COL28A1: variants seen among roughly 807,000 people sequenced by gnomAD.
COL28A1 encodes collagen type XXVIII alpha 1 chain, also known as collagen alpha-1(XXVIII) chain.
In COL28A1, 161 loss-of-function variants were observed where a neutral mutation model predicts 150.2. The observed-to-expected ratio is 1.07, with a 90% CI of 0.94 to 1.22. The LOEUF (loss-of-function observed/expected upper bound fraction) is 1.22. COL28A1 is among the 50% of genes most tolerant of loss of function. The pLI is 0.00. For missense variants in COL28A1, 1,617 were observed against 1,388.3 expected, an observed-to-expected ratio of 1.16 and a Z score of -2.62; for synonymous variants, 552 against 469.7, an observed-to-expected ratio of 1.18 and a Z score of -2.26.
rs147600408 is a variant in COL28A1, at chr7:7,526,113, T to C, written c.682-1864A>G. Among the ~76,000 whole-genome samples, 683 of 152,378 alleles carry C rather than the reference T, an allele frequency of 4.5e-3. 11 individuals carry two copies. Among genetic ancestry groups the C allele is most frequent in the African/African-American group, 0.016 (655 of 41,594 alleles). ...TATTACCCTCTGTAGAACATTTGGT[T>C]ATGCCTACAAGGCTGAAGATGGACC... On this transcript the variant is annotated intron_variant, in intron 3 of 34. Transcript: ENST00000399429.
intron 2 of COL28A1, 68 bp from the exon 3 acceptor site, chr7:7,531,972 G>A: frequency 2.2e-6 from 2 of 907,404 alleles, no homozygotes; most frequent in South Asian, 3.2e-5. Flanking sequence ...CATACGGAAA[G>A]CCCTGAAGTG....
chr7:7,471,125 T>TAAAAAAAAAAAAAAAAA (rs746981344), intron 15 of COL28A1, among the ~76,000 whole-genome samples: 45 of 88,410 alleles, frequency 5.1e-4, no homozygotes, highest in Non-Finnish European at 6.3e-4. Context: ...AAAAAATAAT[T>TAAAAAAAAAAAAAAAAA]AAAAAAAAAA....
intron 25 of COL28A1, among the ~76,000 whole-genome samples, chr7:7,421,890 C>G (rs1260622051): frequency 1.3e-5 from 2 of 152,142 alleles, no homozygotes; most frequent in Non-Finnish European, 2.9e-5. Context: ...TCTTTAACAC[C>G]TCTCTCCTAC....
At chr7:7,476,850 C>T (rs1562777811) in intron 14 of COL28A1, among the ~76,000 whole-genome samples, 2 of 152,164 alleles carry the variant, frequency 1.3e-5, no homozygotes, top group African/African-American at 4.8e-5. Flanking sequence ...CTTTAAATGA[C>T]TACAAACTAC....
intron 25 of COL28A1, among the ~76,000 whole-genome samples, chr7:7,424,069 G>C (rs1784521891): frequency 6.6e-6 from 1 of 150,500 alleles, no homozygotes; most frequent in African/African-American, 2.5e-5. Flanking sequence ...ATAATCTTTT[G>C]TATCTTTCAA....
intron 2 of COL28A1, among the ~76,000 whole-genome samples, chr7:7,532,418 G>C (rs764512975): frequency 6.6e-6 from 1 of 152,150 alleles, no homozygotes; most frequent in Non-Finnish European, 1.5e-5. Flanking sequence ...CTGTGTCTCA[G>C]TGGTTAATTT....
chr7:7,374,962 T>C (rs1226621637), intron 31 of COL28A1, among the ~76,000 whole-genome samples: 1 of 152,192 alleles, frequency 6.6e-6, no homozygotes, highest in Non-Finnish European at 1.5e-5. Flanking sequence ...CATGGAAGCA[T>C]TTAGTAGTTG....
the COL28A1 span, among the ~76,000 whole-genome samples, chr7:7,543,755 T>A: frequency 3.3e-5 from 5 of 151,730 alleles, no homozygotes; most frequent in African/African-American, 1.2e-4. Context: ...TTAATGTAAT[T>A]TATTTACTTG....
intron 27 of COL28A1, among the ~76,000 whole-genome samples, chr7:7,409,678 T>G (rs1301679516): frequency 6.6e-6 from 1 of 152,220 alleles, no homozygotes; most frequent in Non-Finnish European, 1.5e-5. Context: ...AGCAGCCATT[T>G]TTATTTTTCT....
chr7:7,487,313 C>T (rs750468374), intron 13 of COL28A1, among the ~76,000 whole-genome samples: 1 of 152,128 alleles, frequency 6.6e-6, no homozygotes, highest in Admixed American at 6.5e-5. Flanking sequence ...CACAGTGGCT[C>T]ACGCTTGTAA....
intron 25 of COL28A1, among the ~76,000 whole-genome samples, chr7:7,427,934 C>T (rs1469852665): frequency 2.6e-5 from 4 of 152,160 alleles, no homozygotes; most frequent in African/African-American, 9.7e-5. Flanking sequence ...CTGATTTATT[C>T]ATCCATTTAG....
At chr7:7,412,070 G>A (rs1783820534) in intron 27 of COL28A1, among the ~76,000 whole-genome samples, 1 of 151,996 alleles carries the variant, frequency 6.6e-6, no homozygotes, top group South Asian at 2.1e-4. Context: ...TTCCTCCTGG[G>A]CACACAGCAT....
intron 15 of COL28A1, among the ~76,000 whole-genome samples, chr7:7,461,327 G>T (rs6973525): frequency 0.016 from 2,445 of 152,298 alleles, 60 homozygotes; most frequent in African/African-American, 0.056. Flanking sequence ...AAGCCCACAG[G>T]GGGAAGGAAA....
chr7:7,343,432 C>T, the COL28A1 span, among the ~76,000 whole-genome samples: 2 of 151,968 alleles, frequency 1.3e-5, no homozygotes, highest in African/African-American at 2.4e-5. Context: ...GCGTGCTAGA[C>T]AAGGTCTTCT....
chr7:7,516,654 G>C (rs1428688506), intron 7 of COL28A1, among the ~76,000 whole-genome samples: 1 of 152,182 alleles, frequency 6.6e-6, no homozygotes, highest in Non-Finnish European at 1.5e-5. Context: ...GATTTATTGA[G>C]AGCTGAAGAA....
At chr7:7,386,631 G>T (rs1320832979) in intron 27 of COL28A1, among the ~76,000 whole-genome samples, 1 of 152,130 alleles carries the variant, frequency 6.6e-6, no homozygotes, top group Non-Finnish European at 1.5e-5. Flanking sequence ...ATAGCAGGAG[G>T]GGATAGGACC....
intron 6 of COL28A1, 109 bp from the exon 7 acceptor site, chr7:7,517,946 C>A (rs1781507483): frequency 4.8e-5 from 55 of 1,154,576 alleles, no homozygotes; most frequent in East Asian, 5.9e-5. Flanking sequence ...TAGGAAACAT[C>A]TTTAGTCTTT....
intron 25 of COL28A1, among the ~76,000 whole-genome samples, chr7:7,429,360 A>C (rs1784814514): frequency 6.6e-6 from 1 of 151,738 alleles, no homozygotes; most frequent in Non-Finnish European, 1.5e-5. Flanking sequence ...GGCAAAGTTA[A>C]CTGGAATTAT....
Position 7,453,455 on chromosome 7 carries a change from GC to G in COL28A1, c.1424del (p.Gly475AlafsTer9). On this transcript the variant is annotated frameshift_variant, in exon 17 of 35. Coordinates refer to ENST00000399429, the MANE Select transcript of COL28A1 (RefSeq NM_001037763.3). LOFTEE classifies it high-confidence loss of function. ...PPGPQGPAGQ[G>X]LPGSKGEVGQ... ...ACAAAGTTACCTTGGAACCAGGTAA[GC>G]CCTGTCCTGCGGGCCCTTGTGGACC... The G allele has an allele frequency of 3.2e-6, 4 of 1,251,512 alleles. No individual in the cohort carries two copies. Among genetic ancestry groups the G allele is most frequent in the Non-Finnish European group, 4.7e-6 (4 of 849,604 alleles). The allele number at this position is 1,251,512 out of a possible 1,614,324, so 77.5% of individuals were successfully genotyped here. A position where few individuals can be genotyped will look rare whatever the true frequency, so the allele number is the denominator to read the frequency against.
Sources: allele counts gnomAD v4.1 joint callset (sites outside exome capture counted in the v4.1 genomes callset), GRCh38; gene constraint gnomAD v4.1.1; transcripts MANE v1.5; gene names NCBI Gene and HGNC (gene_info 2026-07-23, HGNC 2026-07-21).